Variants in PSMA1 observed in about 807,000 individuals in gnomAD.
PSMA1 encodes proteasome subunit alpha type-1.
In PSMA1, 3 loss-of-function variants were observed where a neutral mutation model predicts 38.4. That is an observed-to-expected ratio of 0.08 (90% CI 0.04 to 0.20). PSMA1 has a LOEUF of 0.20. Ranked by LOEUF, PSMA1 falls within the 10% of genes least tolerant of loss-of-function variation. PSMA1 has a pLI of 1.00. For synonymous variants in PSMA1, 101 were observed against 107.1 expected, an observed-to-expected ratio of 0.94 and a Z score of 0.35; for missense variants, 227 against 325.3, an observed-to-expected ratio of 0.70 and a Z score of 2.32.
At chr11:14,590,231 C>T (rs1301365213) in intron 2 of PSMA1, among the ~76,000 whole-genome samples, 1 of 152,168 alleles carries the variant, frequency 6.6e-6, no homozygotes, top group Non-Finnish European at 1.5e-5. Context: ...AGTTTCAGAT[C>T]TGCAAGATGA....
At position 14,517,227 on chromosome 11, in the gene PSMA1, C is replaced by A. The variant is rs890255427; in HGVS notation, c.254+415G>T. 3.3e-5 allele frequency among the ~76,000 whole-genome samples: 5 copies of A among 152,260 alleles called. No individual in the cohort carries two copies. In the South Asian group the frequency reaches 1.0e-3, roughly 32 times the overall value. On this transcript the variant is annotated intron_variant, in intron 4 of 9. Transcript: ENST00000396394. The stretch of plus-strand genomic sequence containing the variant: ...TCCATGTCTGAGTCACTTATGTATA[C>A]CCTGCAGTATCCAGTATTGAGCATT...
chr11:14,520,160 C>G lies in PSMA1; in HGVS notation c.3+137G>C, dbSNP rs1851504432. On this transcript the variant is annotated intron_variant, in intron 1 of 9. Coordinates refer to ENST00000396394, the MANE Select transcript of PSMA1 (RefSeq NM_002786.4). ...CCAGGCCGGAGATGCTGAATCACTG[C>G]CGGAGCCCGGCCGTCTGCCGAGGCT... 3 of 1,376,198 alleles carry G rather than the reference C, an allele frequency of 2.2e-6. No homozygotes were observed. The East Asian group carries it at 6.9e-5, about 32-fold the overall frequency. 85.2% of individuals were successfully genotyped at this position (1,376,198 alleles called of 1,614,324 possible).
At chr11:14,510,611 T>C (rs1851327960) in intron 8 of PSMA1, among the ~76,000 whole-genome samples, 1 of 152,174 alleles carries the variant, frequency 6.6e-6, no homozygotes, top group Admixed American at 6.5e-5. Flanking sequence ...TTTTGTTAAC[T>C]AAATAATACC....
intron 1 of PSMA1, among the ~76,000 whole-genome samples, chr11:14,634,447 G>C (rs750898122): frequency 6.6e-6 from 1 of 151,718 alleles, no homozygotes; most frequent in African/African-American, 2.4e-5. Context: ...GGAATGAAAG[G>C]GGATATGTTT....
At chr11:14,599,718 C>T (rs754819959) in intron 2 of PSMA1, among the ~76,000 whole-genome samples, 7 of 152,002 alleles carry the variant, frequency 4.6e-5, no homozygotes, top group Non-Finnish European at 8.8e-5. Flanking sequence ...CTGTTATTAC[C>T]GACCTTCTGA....
At chr11:14,576,849 G>T (rs941404626) in intron 2 of PSMA1, among the ~76,000 whole-genome samples, 2 of 152,152 alleles carry the variant, frequency 1.3e-5, no homozygotes, top group Non-Finnish European at 2.9e-5. Flanking sequence ...GGATGGCATT[G>T]AATCTATAAA....
chr11:14,611,422 A>G (rs1007641743), intron 1 of PSMA1, among the ~76,000 whole-genome samples: 27 of 152,218 alleles, frequency 1.8e-4, no homozygotes, highest in African/African-American at 6.3e-4. Context: ...TTATATAGCA[A>G]AAGAATTGAA....
upstream of PSMA1, among the ~76,000 whole-genome samples, chr11:14,524,006 G>A (rs1326584076): frequency 6.7e-6 from 1 of 149,410 alleles, no homozygotes; most frequent in Non-Finnish European, 1.5e-5. Flanking sequence ...CAGGCAAAGT[G>A]GCTCACACCT....
intron 1 of PSMA1, among the ~76,000 whole-genome samples, chr11:14,622,375 CTG>C: frequency 6.6e-6 from 1 of 152,318 alleles, no homozygotes; most frequent in East Asian, 1.9e-4. Flanking sequence ...ATAATATACT[CTG>C]AAGAAATCTG....
At chr11:14,584,866 C>A (rs1376343519) in intron 2 of PSMA1, among the ~76,000 whole-genome samples, 1 of 152,214 alleles carries the variant, frequency 6.6e-6, no homozygotes, top group Non-Finnish European at 1.5e-5. Context: ...GTAAGACAGG[C>A]TGGGGTCCCA....
At chr11:14,591,256 C>T (rs111701460) in intron 2 of PSMA1, among the ~76,000 whole-genome samples, 20,507 of 152,262 alleles carry the variant, frequency 0.13, 1,919 homozygotes, top group African/African-American at 0.27. Flanking sequence ...GCCAGCCCAC[C>T]GGCGCTACGC....
intron 2 of PSMA1, among the ~76,000 whole-genome samples, chr11:14,573,111 T>C (rs910650687): frequency 6.6e-6 from 1 of 152,182 alleles, no homozygotes; most frequent in African/African-American, 2.4e-5. Context: ...TACCATTCCT[T>C]CTGAAACTAT....
upstream of PSMA1, chr11:14,520,490 T>C (rs1851511156): frequency 6.9e-7 from 1 of 1,452,462 alleles, no homozygotes; most frequent in East Asian, 2.5e-5. Context: ...TTCCGACCGC[T>C]CGGCGGCGGG....
At chr11:14,562,196 G>A (rs1170198734) in intron 2 of PSMA1, among the ~76,000 whole-genome samples, 1 of 152,210 alleles carries the variant, frequency 6.6e-6, no homozygotes, top group Non-Finnish European at 1.5e-5. Context: ...ATCTCAGGGA[G>A]CAGGACCATG....
At chr11:14,593,382 C>G (rs967726274) in intron 2 of PSMA1, among the ~76,000 whole-genome samples, 2 of 152,168 alleles carry the variant, frequency 1.3e-5, no homozygotes, top group Admixed American at 1.3e-4. Context: ...GTGGGAAGTT[C>G]CTAGAATTTT....
intron 2 of PSMA1, among the ~76,000 whole-genome samples, chr11:14,588,006 G>C (rs1852368822): frequency 6.6e-6 from 1 of 152,180 alleles, no homozygotes; most frequent in Admixed American, 6.5e-5. Context: ...AGTACTTCTA[G>C]AAGATATGAT....
chr11:14,612,911 C>A (rs1852726709), intron 1 of PSMA1, among the ~76,000 whole-genome samples: 1 of 151,874 alleles, frequency 6.6e-6, no homozygotes, highest in South Asian at 2.1e-4. Context: ...ATTTTGTGGG[C>A]CGGGCGGGCT....
rs926526791 is a variant in PSMA1 at position 14,511,046 on chromosome 11, G to C, written c.545-95C>G. The C allele has an allele frequency of 1.6e-5, 12 of 743,030 alleles. No individual in the cohort carries two copies. In the African/African-American group the frequency reaches 1.8e-4, roughly 11 times the overall value. The allele number at this position is 743,030 out of a possible 1,614,324, so 46.0% of individuals were successfully genotyped here. ...CTACAGTCTCAAATTGTGGTTTTTA[G>C]TTACACACTAAATTTATCACAGTAA... On this transcript the variant is annotated intron_variant, in intron 7 of 9. Coordinates refer to ENST00000396394, the MANE Select transcript of PSMA1 (RefSeq NM_002786.4).
In PSMA1 at chr11:14,535,664, C is replaced by T. The variant is rs578196517; in HGVS notation, c.22-16623G>A. ...TTCTCCATTTTGGTCAGGCTGGTCT[C>T]GAACTCCCGATCTCAGGTGATGCGC... On this transcript the variant is annotated intron_variant, in intron 2 of 10. Transcript: ENST00000418988. 2.6e-5 allele frequency among the ~76,000 whole-genome samples: 4 copies of T among 151,980 alleles called. No homozygotes were observed. The South Asian group carries it at 8.3e-4, about 32-fold the overall frequency.
Sources: gnomAD v4.1 joint callset for allele counts (sites outside exome capture counted in the v4.1 genomes callset) on GRCh38, gnomAD v4.1.1 for gene constraint, MANE v1.5 for transcripts, NCBI Gene and HGNC (gene_info 2026-07-23, HGNC 2026-07-21) for gene names.